Variants in AP2A2 observed in about 807,000 individuals in gnomAD.
The protein encoded by AP2A2 is AP-2 complex subunit alpha-2.
A neutral mutation model predicts 104.2 loss-of-function variants in AP2A2; 32 were observed. That is an observed-to-expected ratio of 0.31 (90% CI 0.23 to 0.41). The LOEUF (loss-of-function observed/expected upper bound fraction) is 0.41, where lower values mean the gene tolerates loss of function less well. AP2A2 is among the 10% of genes least tolerant of loss of function. The pLI is 1.00. For synonymous variants in AP2A2, 539 were observed against 533.3 expected (o/e 1.01, Z -0.15); for missense variants, 912 against 1,261.0 (o/e 0.72, Z 4.19).
At chr11:970,665 G>C (rs543887027) in intron 3 of AP2A2, among the ~76,000 whole-genome samples, 1 of 152,266 alleles carries the variant, frequency 6.6e-6, no homozygotes, top group Admixed American at 6.5e-5. Context: ...AGTGCCGCAC[G>C]CGGCCCAGCG....
At chr11:975,962 T>A (rs1219588388) in intron 4 of AP2A2, among the ~76,000 whole-genome samples, 2 of 151,604 alleles carry the variant, frequency 1.3e-5, no homozygotes, top group African/African-American at 4.9e-5. Context: ...CTCTGAGGAG[T>A]GTGGCATGCT....
intron 17 of AP2A2, 26 bp from the exon 18 acceptor site, chr11:1,007,986 T>C: frequency 6.4e-7 from 1 of 1,552,450 alleles, no homozygotes; most frequent in Non-Finnish European, 8.7e-7. Context: ...TGGGACTTGC[T>C]CAGCTGGATT....
At chr11:980,735 C>T (rs1240402878) in intron 5 of AP2A2, among the ~76,000 whole-genome samples, 2 of 152,256 alleles carry the variant, frequency 1.3e-5, no homozygotes, top group Non-Finnish European at 2.9e-5. Context: ...TGGAAAAGGA[C>T]TTCTCCAGTT....
At chr11:981,397 A>T (rs1278580194) in intron 6 of AP2A2, 98 bp downstream of exon 6, 7 of 1,133,296 alleles carry the variant, frequency 6.2e-6, no homozygotes, top group Non-Finnish European at 8.9e-6. Flanking sequence ...TGATCAGTTT[A>T]TAAATTCAGG....
intron 14 of AP2A2, chr11:995,239 G>A (rs1262688170): frequency 2.2e-6 from 1 of 452,022 alleles, no homozygotes; most frequent in Non-Finnish European, 4.5e-6. Flanking sequence ...CCTGCTCTTC[G>A]AGGTTTTATG....
chr11:991,807 C>T (rs1052804993), intron 10 of AP2A2, among the ~76,000 whole-genome samples: 16 of 151,972 alleles, frequency 1.1e-4, no homozygotes, highest in Admixed American at 5.9e-4. Flanking sequence ...GGGGTGCCCT[C>T]GGGAGGTGCG....
chr11:1,003,792 C>T lies in AP2A2; in HGVS notation c.2194C>T (p.Arg732Trp), dbSNP rs1179478553. The T allele has an allele frequency of 5.6e-6, 9 of 1,602,292 alleles. No individual in the cohort carries two copies. The highest frequency in any genetic ancestry group is 6.8e-6 in the Non-Finnish European group (8 of 1,174,082). ...LLQIGLKSEFRQNLGRMFIFY... is the reference protein window; with the variant it reads ...LLQIGLKSEFWQNLGRMFIFY... ...TCAAATTGGACTTAAGTCTGAATTT[C>T]GGCAGAATTTAGGTATGTGTTTTAA... The change falls in exon 16 of 22, where the codon CGG (arginine) becomes TGG (tryptophan). Residue 732 changes from arginine to tryptophan, a missense_variant. Physicochemically the swap from Arg to Trp is moderately radical, Grantham distance 101. This residue lies in a region of AP2A2 where 239 missense variants were observed against 329.8 expected (regional missense o/e 0.72). Coordinates refer to ENST00000448903, the MANE Select transcript of AP2A2 (RefSeq NM_012305.4).
At chr11:985,409 G>A (rs1324304386) in intron 7 of AP2A2, 26 bp from the exon 8 acceptor site, 7 of 1,607,294 alleles carry the variant, frequency 4.4e-6, no homozygotes, top group Non-Finnish European at 6.0e-6. Flanking sequence ...GGAGACTGGT[G>A]AGCACCGTTC....
intron 14 of AP2A2, among the ~76,000 whole-genome samples, chr11:995,032 C>T (rs1446067089): frequency 1.3e-5 from 2 of 152,112 alleles, no homozygotes; most frequent in African/African-American, 2.4e-5. Flanking sequence ...TGCTGCACAC[C>T]CCGCTGTCCT....
intron 7 of AP2A2, 187 bp from the exon 8 acceptor site, chr11:985,248 G>T (rs1439687128): frequency 1.4e-6 from 1 of 726,218 alleles, no homozygotes. Flanking sequence ...CTCCCAAAGT[G>T]CTGGGATTAC....
intron 1 of AP2A2, among the ~76,000 whole-genome samples, chr11:926,832 A>G (rs1315242473): frequency 6.6e-6 from 1 of 152,134 alleles, no homozygotes; most frequent in Non-Finnish European, 1.5e-5. Flanking sequence ...CGGGGTGGGA[A>G]AAATCCACAC....
At position 1,011,556 on chromosome 11, in the gene AP2A2, T is replaced by C; in HGVS notation, c.*931T>C. The C allele has an allele frequency of 2.1e-6, 1 of 465,574 alleles. No homozygotes were observed. The highest frequency in any genetic ancestry group is 4.3e-6 in the Non-Finnish European group (1 of 232,904). The allele number at this position is 465,574 out of a possible 1,614,324, so 28.8% of individuals were successfully genotyped here. A position where few individuals can be genotyped will look rare whatever the true frequency, so the allele number is the denominator to read the frequency against. On this transcript the variant is annotated 3_prime_UTR_variant, in exon 22 of 22. Coordinates refer to ENST00000448903, the MANE Select transcript of AP2A2 (RefSeq NM_012305.4). The stretch of plus-strand genomic sequence containing the variant: ...CGCATGCCATGTGCCACCTGCGGCT[T>C]GTGTCTCACCTGTCATCTGGACTCA...
chr11:995,156 C>T (rs1239007661), intron 14 of AP2A2, among the ~76,000 whole-genome samples: 3 of 152,220 alleles, frequency 2.0e-5, no homozygotes, highest in Non-Finnish European at 4.4e-5. Flanking sequence ...TGGCCGTCCC[C>T]TCTCCTACAG....
At chr11:960,448 G>A (rs530509418) in intron 2 of AP2A2, among the ~76,000 whole-genome samples, 2 of 152,034 alleles carry the variant, frequency 1.3e-5, no homozygotes, top group Non-Finnish European at 2.9e-5. Flanking sequence ...ATGTTGGCCA[G>A]GCTGGTCTCA....
chr11:935,602 A>ATTTTTTTTTTTTTTTTTTTTTT, intron 1 of AP2A2, among the ~76,000 whole-genome samples: 1 of 40,656 alleles, frequency 2.5e-5, no homozygotes, highest in African/African-American at 9.1e-5. Flanking sequence ...GTGCCCGGCC[A>ATTTTTTTTTTTTTTTTTTTTTT]GTTTTTTTTT....
In AP2A2 at chr11:1,010,792, G is replaced by GT; in HGVS notation, c.*168dup. 1.5e-6 allele frequency: 1 copy of GT among 689,022 alleles called. No homozygotes were observed. The highest frequency in any genetic ancestry group is 2.6e-6 in the Non-Finnish European group (1 of 380,198). The allele number at this position is 689,022 out of a possible 1,614,324, so 42.7% of individuals were successfully genotyped here. A position where few individuals can be genotyped will look rare whatever the true frequency, so the allele number is the denominator to read the frequency against. ...CCCTTTGGGCTGGACGGGAACACAC[G>GT]TGTGTGGCTCAGGAGGAAAAGCTCA... On this transcript the variant is annotated 3_prime_UTR_variant, in exon 22 of 22. Transcript: ENST00000448903.
chr11:983,625 CG>C (rs1855343468), intron 6 of AP2A2, among the ~76,000 whole-genome samples: 1 of 152,008 alleles, frequency 6.6e-6, no homozygotes, highest in African/African-American at 2.4e-5. Flanking sequence ...CCTTGTGATC[CG>C]CCCGCCTTGG....
Position 994,108 on chromosome 11 carries a change from C to G in AP2A2, c.1819C>G (p.Arg607Gly). ...GGAGGAGATGCCCCCATTCCCGGAG[C>G]GGGAGTCCTCCATCTTGGCAAAGCT... ...VLEEMPPFPE[R>G]ESSILAKLKK... Residue 607 changes from arginine to glycine, a missense_variant, in exon 14 of 22, where the codon CGG (arginine) becomes GGG (glycine). By Grantham distance (125) the Arg-to-Gly change is moderately radical. Coordinates refer to ENST00000448903, the MANE Select transcript of AP2A2 (RefSeq NM_012305.4). 1 of 1,613,038 alleles carries G rather than the reference C, an allele frequency of 6.2e-7. No individual in the cohort carries two copies. Among genetic ancestry groups the G allele is most frequent in the Non-Finnish European group, 8.5e-7 (1 of 1,179,830 alleles).
chr11:990,501 T>G (rs919596069), intron 10 of AP2A2, among the ~76,000 whole-genome samples: 4 of 152,184 alleles, frequency 2.6e-5, no homozygotes, highest in African/African-American at 9.7e-5. Flanking sequence ...AGTGCAGTTG[T>G]GCAGATTTTG....
Sources: gnomAD v4.1 joint callset for allele counts (sites outside exome capture counted in the v4.1 genomes callset) on GRCh38, gnomAD v4.1.1 for gene constraint, gnomAD v4.1.1 regional missense constraint, MANE v1.5 for transcripts, NCBI Gene and HGNC (gene_info 2026-07-23, HGNC 2026-07-21) for gene names.